C12orf56: variants seen among roughly 807,000 people sequenced by gnomAD.
The protein encoded by C12orf56 is chromosome 12 open reading frame 56.
In C12orf56, 71 loss-of-function variants were observed where a neutral mutation model predicts 69.9. The observed-to-expected ratio is 1.02, with a 90% CI of 0.84 to 1.24. C12orf56 has a LOEUF of 1.24. Among genes scored for constraint, C12orf56 ranks in the 50% most tolerant of loss-of-function variants. C12orf56 has a pLI of 0.00. For synonymous variants in C12orf56, 276 were observed against 274.1 expected (o/e 1.01, Z -0.07); for missense variants, 732 against 738.5 (o/e 0.99, Z 0.10).
intron 4 of C12orf56, 58 bp from the exon 5 acceptor site, chr12:64,312,810 C>T: frequency 8.1e-7 from 1 of 1,241,944 alleles, no homozygotes; most frequent in Non-Finnish European, 1.1e-6. Flanking sequence ...ATCAATTCCC[C>T]CTACCTTTAG....
At chr12:64,298,787 T>C (rs1344825705) in intron 6 of C12orf56, among the ~76,000 whole-genome samples, 1 of 152,204 alleles carries the variant, frequency 6.6e-6, no homozygotes, top group African/African-American at 2.4e-5. Flanking sequence ...ACTGTAGCCT[T>C]GTAGTATAGT....
intron 3 of C12orf56, among the ~76,000 whole-genome samples, chr12:64,328,516 T>C (rs1175045308): frequency 1.3e-5 from 2 of 151,194 alleles, no homozygotes; most frequent in Non-Finnish European, 2.9e-5. Flanking sequence ...CCATCTCTAC[T>C]TAAAATACAA....
At chr12:64,281,048 T>G (rs548624176) in intron 8 of C12orf56, among the ~76,000 whole-genome samples, 2 of 147,764 alleles carry the variant, frequency 1.4e-5, no homozygotes, top group South Asian at 2.2e-4. Context: ...CGACGGGGGG[T>G]GGATCACCTG....
At chr12:64,325,256 T>G (rs1978795) in intron 3 of C12orf56, among the ~76,000 whole-genome samples, 67,851 of 151,620 alleles carry the variant, frequency 0.45, 15,530 homozygotes, top group African/African-American at 0.54. Flanking sequence ...GCAGCAGCAG[T>G]GGAGCTGGGC....
chr12:64,298,482 T>A (rs1034145333), intron 6 of C12orf56, among the ~76,000 whole-genome samples: 1 of 152,248 alleles, frequency 6.6e-6, no homozygotes. Flanking sequence ...TGGTATTGCC[T>A]AGGTTTTCTT....
intron 1 of C12orf56, among the ~76,000 whole-genome samples, chr12:64,355,253 A>G (rs931190745): frequency 6.6e-6 from 1 of 152,184 alleles, no homozygotes; most frequent in Non-Finnish European, 1.5e-5. Context: ...AATCTAAATC[A>G]AAGTAATTGA....
chr12:64,357,439 G>T (rs1481085000), intron 1 of C12orf56, among the ~76,000 whole-genome samples: 1 of 150,128 alleles, frequency 6.7e-6, no homozygotes, highest in Admixed American at 6.6e-5. Flanking sequence ...TTGAGACAGG[G>T]TTGAGCTCTG....
intron 2 of C12orf56, among the ~76,000 whole-genome samples, chr12:64,332,167 G>A (rs577980404): frequency 2.4e-4 from 36 of 151,896 alleles, no homozygotes; most frequent in African/African-American, 5.6e-4. Context: ...AGCTAGGCGC[G>A]GTAGGGTGGG....
intron 11 of C12orf56, among the ~76,000 whole-genome samples, chr12:64,274,245 G>T (rs540522234): frequency 2.8e-4 from 42 of 152,320 alleles, no homozygotes; most frequent in Non-Finnish European, 4.6e-4. Flanking sequence ...CTGCAGGGAG[G>T]GGGGTGGTGG....
intron 1 of C12orf56, among the ~76,000 whole-genome samples, chr12:64,374,636 C>G (rs1024100264): frequency 6.6e-6 from 1 of 151,996 alleles, no homozygotes; most frequent in African/African-American, 2.4e-5. Flanking sequence ...CTCCGCCTCC[C>G]AGGTTCCAGT....
At position 64,390,519 on chromosome 12, in the gene C12orf56, C is replaced by A. The variant is rs374883655; in HGVS notation, c.47G>T (p.Arg16Leu). ...ATGCCGCCGCAGGAACACATCCAGG[C>A]GGCTGTTCCTGCGCGCGGGGAAGCC... ...PSGFPARRNS[R>L]LDVFLRRHLP... is the part of the protein sequence containing the mutation. The change falls in exon 1 of 13, where the codon CGC becomes CTC. Residue 16 changes from arginine to leucine, a missense_variant. Arg to Leu is a moderately radical substitution (Grantham distance 102, BLOSUM62 -2). Coordinates refer to ENST00000543942, the MANE Select transcript of C12orf56 (RefSeq NM_001170633.2). 1.3e-6 allele frequency: 2 copies of A among 1,598,304 alleles called. No individual in the cohort carries two copies. The highest frequency in any genetic ancestry group is 1.7e-6 in the Non-Finnish European group (2 of 1,178,780).
intron 9 of C12orf56, among the ~76,000 whole-genome samples, chr12:64,275,869 G>A (rs2038044010): frequency 6.6e-6 from 1 of 152,090 alleles, no homozygotes; most frequent in Admixed American, 6.6e-5. Context: ...TGCCTCCTGA[G>A]TAGCTGGGAT....
chr12:64,330,658 A>C (rs1322594731), intron 3 of C12orf56, among the ~76,000 whole-genome samples: 1 of 152,186 alleles, frequency 6.6e-6, no homozygotes, highest in African/African-American at 2.4e-5. Context: ...GGCCTAACAT[A>C]GTGCCCTACA....
At chr12:64,347,041 T>C (rs2135944695) in intron 2 of C12orf56, among the ~76,000 whole-genome samples, 1 of 151,990 alleles carries the variant, frequency 6.6e-6, no homozygotes, top group Middle Eastern at 3.4e-3. Context: ...AGTGGCACGA[T>C]CTCAGCTCAC....
Position 64,265,951 on chromosome 12 carries a change from C to A in C12orf56, c.*1232G>T, listed in dbSNP as rs2037916586. On this transcript the variant is annotated 3_prime_UTR_variant, in exon 13 of 13. Coordinates refer to ENST00000543942, the MANE Select transcript of C12orf56 (RefSeq NM_001170633.2). Reference sequence around the variant, plus strand: ...CTTTCATAGAGACTCTATGGGACTACACAAATTAGCCCACAGATGCCTGAA... The same window carrying A: ...CTTTCATAGAGACTCTATGGGACTAAACAAATTAGCCCACAGATGCCTGAA... The A allele has an allele frequency of 6.6e-6, 1 of 152,230 alleles. No individual in the cohort carries two copies. Among genetic ancestry groups the A allele is most frequent in the South Asian group, 2.1e-4 (1 of 4,836 alleles). The allele number at this position is 152,230 out of a possible 1,614,324, so 9.4% of individuals were successfully genotyped here.
chr12:64,383,821 A>C (rs2039753517), intron 1 of C12orf56, among the ~76,000 whole-genome samples: 1 of 152,222 alleles, frequency 6.6e-6, no homozygotes, highest in South Asian at 2.1e-4. Context: ...CAACCAGTAC[A>C]CATTGAACTG....
At position 64,390,322 on chromosome 12, in the gene C12orf56, T is replaced by TG. The variant is rs1217295576; in HGVS notation, c.243dup (p.Ile82HisfsTer2). The TG allele has an allele frequency of 8.1e-6, 13 of 1,608,614 alleles. No individual in the cohort carries two copies. The highest frequency in any genetic ancestry group is 2.7e-5 in the African/African-American group (2 of 74,714). On this transcript the variant is annotated frameshift_variant, in exon 1 of 13. Transcript: ENST00000543942. LOFTEE classifies it high-confidence loss of function. ...CCACCCGCGCCGCTCACCAGGTCAA[T>TG]GGCCACGACGTCCCGCAGAGCCACT...
At chr12:64,359,143 C>T (rs1001258346) in intron 1 of C12orf56, among the ~76,000 whole-genome samples, 1 of 152,130 alleles carries the variant, frequency 6.6e-6, no homozygotes, top group African/African-American at 2.4e-5. Context: ...GCGAAAGATG[C>T]CCTCCCTATA....
chr12:64,361,986 C>T (rs991284970), intron 1 of C12orf56, among the ~76,000 whole-genome samples: 1 of 152,312 alleles, frequency 6.6e-6, no homozygotes, highest in East Asian at 1.9e-4. Flanking sequence ...CCCACCTCGG[C>T]GTCCCAAGTG....
Sources: allele counts gnomAD v4.1 joint callset (sites outside exome capture counted in the v4.1 genomes callset), GRCh38; gene constraint gnomAD v4.1.1; transcripts MANE v1.5; gene names NCBI Gene and HGNC (gene_info 2026-07-23, HGNC 2026-07-21).